CEP72: variants seen among roughly 807,000 people sequenced by gnomAD.
The protein encoded by CEP72 is centrosomal protein of 72 kDa.
A neutral mutation model predicts 65.7 loss-of-function variants in CEP72; 78 were observed. The ratio of observed to expected loss-of-function variants is 1.19; its 90% CI spans 0.99 to 1.43. The LOEUF (loss-of-function observed/expected upper bound fraction) is 1.43, where lower values mean the gene tolerates loss of function less well. Among genes scored for constraint, CEP72 ranks in the 40% most tolerant of loss-of-function variants. The pLI is 0.00. For synonymous variants in CEP72, 358 were observed against 351.7 expected (o/e 1.02, Z -0.20); for missense variants, 914 against 832.9 (o/e 1.10, Z -1.20).
chr5:676,571 G>A, the CEP72 span: 1 of 152,274 alleles, frequency 6.6e-6, no homozygotes, highest in Non-Finnish European at 1.5e-5. Flanking sequence ...GGAGGACGCA[G>A]GTGCAAACCA....
chr5:620,783 A>G (rs1000730088), intron 3 of CEP72, among the ~76,000 whole-genome samples: 9 of 152,326 alleles, frequency 5.9e-5, no homozygotes, highest in African/African-American at 2.2e-4. Flanking sequence ...GCTTTCCATG[A>G]CAGTCTTGTA....
intron 4 of CEP72, 65 bp from the exon 5 acceptor site, chr5:633,703 TG>T: frequency 6.7e-7 from 1 of 1,486,492 alleles, no homozygotes; most frequent in Non-Finnish European, 9.3e-7. Flanking sequence ...TTCCTTCTCC[TG>T]GTCTGCGTGG....
chr5:663,635 CG>C (rs1343111392), intron 2 of CEP72: 2 of 100,110 alleles, frequency 2.0e-5, no homozygotes, highest in African/African-American at 6.3e-5. Flanking sequence ...GTCGGGGAGG[CG>C]GGTGGTGCTC....
Position 624,445 on chromosome 5 carries a change from C to T in CEP72, c.404-26C>T, listed in dbSNP as rs1736601642. 3 of 1,576,478 alleles carry T rather than the reference C, an allele frequency of 1.9e-6. No homozygotes were observed. Among genetic ancestry groups the T allele is most frequent in the Admixed American group, 1.7e-5 (1 of 59,970 alleles). On this transcript the variant is annotated intron_variant, in intron 3 of 11. Transcript: ENST00000264935. The surrounding 1 kb of genome is among the most constrained non-coding windows in gnomAD (Gnocchi z 4.7). Reference sequence around the variant, plus strand: ...AGCCGCCCGCCGCTTGCCACCTGCACAGTCTTGTGTGGCCTTTTCTTCTAG... The same window carrying T: ...AGCCGCCCGCCGCTTGCCACCTGCATAGTCTTGTGTGGCCTTTTCTTCTAG...
chr5:637,428 G>T, intron 6 of CEP72, 89 bp from the exon 7 acceptor site: 1 of 1,128,442 alleles, frequency 8.9e-7, no homozygotes, highest in South Asian at 1.4e-5. Context: ...ATATACATGG[G>T]CACACACATG....
chr5:625,446 ATCT>A (rs1461514711), intron 4 of CEP72, among the ~76,000 whole-genome samples: 1 of 152,196 alleles, frequency 6.6e-6, no homozygotes, highest in Non-Finnish European at 1.5e-5. Context: ...CCTCTGTCCC[ATCT>A]TCTTAGCTCT....
chr5:612,836 T>A (rs1010979674), intron 1 of CEP72, among the ~76,000 whole-genome samples: 1 of 152,344 alleles, frequency 6.6e-6, no homozygotes, highest in East Asian at 1.9e-4. Context: ...TTCTTGAGGA[T>A]GTTGGTGGCC....
At chr5:664,966 G>T (rs1739831841) in intron 2 of CEP72, 1 of 1,017,078 alleles carries the variant, frequency 9.8e-7, no homozygotes, top group Non-Finnish European at 1.4e-6. Flanking sequence ...GGAGGCCTGG[G>T]CCTGGCCGCC....
intron 1 of CEP72, among the ~76,000 whole-genome samples, chr5:613,389 T>TA (rs1561019784): frequency 1.3e-5 from 2 of 151,914 alleles, no homozygotes; most frequent in African/African-American, 4.8e-5. Context: ...TTTTTTTTTT[T>TA]AGACGGAGTC....
At chr5:665,846 ACC>A (rs35212980) in intron 3 of CEP72, 8 of 111,466 alleles carry the variant, frequency 7.2e-5, no homozygotes, top group East Asian at 3.0e-4. Flanking sequence ...GCCTCCCAGG[ACC>A]CCCCCCAGGT....
Position 640,516 on chromosome 5 carries a change from T to G in CEP72, c.1451T>G (p.Leu484Arg). 6.2e-7 allele frequency: 1 copy of G among 1,614,206 alleles called. No individual in the cohort carries two copies. The highest frequency in any genetic ancestry group is 8.5e-7 in the Non-Finnish European group (1 of 1,180,048). The change falls in exon 9 of 12, where the codon CTG (leucine) becomes CGG (arginine). Residue 484 changes from leucine (L) to arginine (R), a missense_variant. By Grantham distance (102) the Leu-to-Arg change is moderately radical (BLOSUM62 -2). Transcript: ENST00000264935. ...TCCCTGGCTCTGGAGAGTAAGTCCC[T>G]GCAAAGCCGCCTTGCTGAGCAGCAG... Reference protein sequence around the residue: ...VGSLALESKSLQSRLAEQQQQ... With the variant: ...VGSLALESKSRQSRLAEQQQQ...
downstream of CEP72, among the ~76,000 whole-genome samples, chr5:654,163 G>T (rs1322722624): frequency 6.8e-6 from 1 of 147,148 alleles, no homozygotes; most frequent in Non-Finnish European, 1.5e-5. Flanking sequence ...TGTGTGCTCT[G>T]TGCGCGTGCA....
chr5:672,121 C>T (rs1209539588), downstream of CEP72, among the ~76,000 whole-genome samples: 1 of 152,220 alleles, frequency 6.6e-6, no homozygotes, highest in African/African-American at 2.4e-5. Context: ...GGTTGGCTTC[C>T]GTACTGGGAA....
chr5:615,477 T>C (rs536449989), intron 1 of CEP72, among the ~76,000 whole-genome samples: 9 of 152,294 alleles, frequency 5.9e-5, no homozygotes, highest in African/African-American at 1.7e-4. Context: ...GAGACATCTG[T>C]CTTATTTGAT....
chr5:654,911 G>A (rs187114124), downstream of CEP72, among the ~76,000 whole-genome samples: 8 of 141,990 alleles, frequency 5.6e-5, no homozygotes, highest in East Asian at 5.8e-4. Flanking sequence ...GTCACTAAAC[G>A]TGATGCTTTT....
rs1739216342 is a variant in CEP72, at chr5:653,085, G to C, written c.1876G>C (p.Glu626Gln). The C allele has an allele frequency of 1.2e-6, 2 of 1,613,674 alleles. No individual in the cohort carries two copies. Among genetic ancestry groups the C allele is most frequent in the Admixed American group, 1.7e-5 (1 of 60,004 alleles). The change falls in exon 12 of 12, where the codon GAG becomes CAG. Residue 626 changes from glutamate to glutamine, a missense_variant. By Grantham distance (29) the Glu-to-Gln change is conservative. Coordinates refer to ENST00000264935, the MANE Select transcript of CEP72 (RefSeq NM_018140.4). ...GGAGCAGATGCACTGGAGCTACCAGGAGCTCAAGAAGACCATGGCCCTGTT... is the reference window on the plus strand; with the variant it reads ...GGAGCAGATGCACTGGAGCTACCAGCAGCTCAAGAAGACCATGGCCCTGTT... ...EVEQMHWSYQ[E>Q]LKKTMALFPH...
At chr5:612,860 T>C (rs977376183) in intron 1 of CEP72, among the ~76,000 whole-genome samples, 3 of 152,230 alleles carry the variant, frequency 2.0e-5, no homozygotes, top group African/African-American at 7.2e-5. Context: ...TTCCTTCTTT[T>C]TGGCTTATTT....
At chr5:621,469 C>G (rs1294087728) in intron 3 of CEP72, among the ~76,000 whole-genome samples, 1 of 152,196 alleles carries the variant, frequency 6.6e-6, no homozygotes, top group Non-Finnish European at 1.5e-5. Flanking sequence ...GTGCCTGGCC[C>G]CTGGGTACTG....
At chr5:638,352 G>A (rs1659925598) in intron 7 of CEP72, among the ~76,000 whole-genome samples, 1 of 152,160 alleles carries the variant, frequency 6.6e-6, no homozygotes, top group African/African-American at 2.4e-5. Context: ...GGGGACAACT[G>A]GCGCAGGCCC....
Sources: gnomAD v4.1 joint callset for allele counts (sites outside exome capture counted in the v4.1 genomes callset) on GRCh38, gnomAD v4.1.1 for gene constraint, Gnocchi (gnomAD v3.1) non-coding constraint, MANE v1.5 for transcripts, NCBI Gene and HGNC (gene_info 2026-07-23, HGNC 2026-07-21) for gene names.